The following SPON1 variants were observed in gnomAD, a reference collection of about 807,000 sequenced individuals.
SPON1 encodes the protein spondin-1.
In SPON1, 52 loss-of-function variants were observed where a neutral mutation model predicts 111.7. The ratio of observed to expected loss-of-function variants is 0.47; its 90% CI spans 0.37 to 0.59. SPON1 has a LOEUF of 0.59. SPON1 is among the 20% of genes least tolerant of loss of function. SPON1 has a pLI of 0.00. For synonymous variants in SPON1, 410 were observed against 395.8 expected (o/e 1.04, Z -0.43); for missense variants, 957 against 1,068.5 (o/e 0.90, Z 1.46).
chr11:13,999,424 C>CT (rs11411530), intron 2 of SPON1, among the ~76,000 whole-genome samples: 10,299 of 142,504 alleles, frequency 0.072, 951 homozygotes, highest in African/African-American at 0.22. Flanking sequence ...CATTTTCTTT[C>CT]TTTTTTTTTT....
intron 5 of SPON1, among the ~76,000 whole-genome samples, chr11:14,132,469 G>C (rs1474507548): frequency 6.6e-6 from 1 of 152,096 alleles, no homozygotes; most frequent in Non-Finnish European, 1.5e-5. Context: ...TTGGATCTGG[G>C]GAATTTGGAG....
At chr11:14,154,287 C>A (rs1300554675) in intron 6 of SPON1, among the ~76,000 whole-genome samples, 1 of 152,236 alleles carries the variant, frequency 6.6e-6, no homozygotes, top group Non-Finnish European at 1.5e-5. Context: ...TCCATCCCTG[C>A]AGCAGACTTC....
At chr11:14,189,646 G>A (rs998413987) in intron 6 of SPON1, among the ~76,000 whole-genome samples, 7 of 152,004 alleles carry the variant, frequency 4.6e-5, no homozygotes, top group African/African-American at 1.7e-4. Context: ...AACGCAGTTC[G>A]CTGTGCCCTT....
rs111729143 is a variant in SPON1, at chr11:13,972,939, ATCTC to A, written c.238+9811_238+9814del. Among the ~76,000 whole-genome samples, 82 of 150,026 alleles carry A rather than the reference ATCTC, an allele frequency of 5.5e-4. 1 individual carries two copies. Among genetic ancestry groups the A allele is most frequent in the Admixed American group, 5.4e-3 (81 of 15,062 alleles). ...CTAGTGACTCAAATGGGGTCATTCC[ATCTC>A]TCTCTCTCTCTCTGTCCCCCGTTCC... On this transcript the variant is annotated intron_variant, in intron 1 of 15. Coordinates refer to ENST00000576479, the MANE Select transcript of SPON1 (RefSeq NM_006108.4).
intron 2 of SPON1, among the ~76,000 whole-genome samples, chr11:14,004,403 C>A (rs1848343468): frequency 6.6e-6 from 1 of 152,126 alleles, no homozygotes; most frequent in Non-Finnish European, 1.5e-5. Flanking sequence ...AGTTGAGGAA[C>A]CTCCATACCA....
chr11:14,226,667 A>G (rs782786782), intron 6 of SPON1, among the ~76,000 whole-genome samples: 42 of 152,218 alleles, frequency 2.8e-4, no homozygotes, highest in African/African-American at 2.4e-5. Context: ...TAGACTCACT[A>G]ATCAAAAAGG....
chr11:14,247,277 G>C (rs1165300439), intron 7 of SPON1, among the ~76,000 whole-genome samples: 9 of 152,288 alleles, frequency 5.9e-5, no homozygotes, highest in African/African-American at 2.2e-4. Context: ...AGGCGTGGTG[G>C]CTTGTGCCTG....
At chr11:14,213,004 C>G (rs972343635) in intron 6 of SPON1, among the ~76,000 whole-genome samples, 1 of 152,208 alleles carries the variant, frequency 6.6e-6, no homozygotes, top group East Asian at 1.9e-4. Flanking sequence ...TAAACACAGT[C>G]TCCAGAGCTT....
intron 6 of SPON1, among the ~76,000 whole-genome samples, chr11:14,143,871 A>C (rs950652712): frequency 4.6e-5 from 7 of 152,200 alleles, no homozygotes; most frequent in Non-Finnish European, 1.0e-4. Flanking sequence ...AGGCCTAAAC[A>C]CAAGGATATG....
intron 6 of SPON1, among the ~76,000 whole-genome samples, chr11:14,204,115 G>A (rs1299964932): frequency 6.6e-6 from 1 of 152,154 alleles, no homozygotes; most frequent in Non-Finnish European, 1.5e-5. Context: ...ACCATTTGCT[G>A]TCTAAAATCC....
intron 5 of SPON1, among the ~76,000 whole-genome samples, chr11:14,107,628 T>C (rs1408179397): frequency 6.6e-6 from 1 of 150,618 alleles, no homozygotes; most frequent in East Asian, 1.9e-4. Flanking sequence ...AGGGCTAGCT[T>C]TTAATGTGGA....
intron 7 of SPON1, among the ~76,000 whole-genome samples, chr11:14,249,350 T>C (rs899799152): frequency 9.9e-5 from 15 of 152,154 alleles, no homozygotes; most frequent in Non-Finnish European, 1.9e-4. Context: ...CTCGGGATGC[T>C]AAAGGAAGAT....
intron 5 of SPON1, among the ~76,000 whole-genome samples, chr11:14,114,823 C>CAGG (rs1849254659): frequency 6.6e-6 from 1 of 152,160 alleles, no homozygotes; most frequent in African/African-American, 2.4e-5. Flanking sequence ...CCCTCAAGGG[C>CAGG]AGGACCCTTG....
intron 3 of SPON1, among the ~76,000 whole-genome samples, chr11:14,067,050 ACCAGTTGT>A (rs1848838242): frequency 6.6e-6 from 1 of 152,140 alleles, no homozygotes; most frequent in Non-Finnish European, 1.5e-5. Context: ...AGTGGCAGGC[ACCAGTTGT>A]CCCAGCTACT....
intron 2 of SPON1, among the ~76,000 whole-genome samples, chr11:14,002,851 C>T (rs1458916473): frequency 6.6e-6 from 1 of 152,058 alleles, no homozygotes; most frequent in African/African-American, 2.4e-5. Flanking sequence ...GATAGTACCT[C>T]TACTATCTAC....
At chr11:13,979,118 C>T (rs972773205) in intron 1 of SPON1, among the ~76,000 whole-genome samples, 4 of 152,290 alleles carry the variant, frequency 2.6e-5, no homozygotes, top group South Asian at 4.1e-4. Flanking sequence ...AGGTATCCGA[C>T]GGTGTTTTCT....
At chr11:14,240,445 T>C (rs915184829) in intron 6 of SPON1, among the ~76,000 whole-genome samples, 14 of 152,250 alleles carry the variant, frequency 9.2e-5, no homozygotes, top group Admixed American at 6.5e-5. Flanking sequence ...GAAGCTGTCA[T>C]GCCCACACAT....
intron 1 of SPON1, among the ~76,000 whole-genome samples, chr11:13,966,927 T>TA (rs1554908067): frequency 6.6e-6 from 1 of 152,176 alleles, no homozygotes; most frequent in African/African-American, 2.4e-5. Flanking sequence ...CAGTGGTTGC[T>TA]AAAAAAATAT....
chr11:14,173,248 T>A (rs2133883136), intron 6 of SPON1, among the ~76,000 whole-genome samples: 1 of 152,294 alleles, frequency 6.6e-6, no homozygotes, highest in East Asian at 1.9e-4. Context: ...TCATTTCGTC[T>A]TCCATCGCTG....
Sources: allele counts gnomAD v4.1 joint callset (sites outside exome capture counted in the v4.1 genomes callset), GRCh38; gene constraint gnomAD v4.1.1; transcripts MANE v1.5; gene names NCBI Gene and HGNC (gene_info 2026-07-23, HGNC 2026-07-21).